The following CFAP210 variants were observed in gnomAD, a reference collection of about 807,000 sequenced individuals.
CFAP210 encodes cilia- and flagella- associated protein 210.
the CFAP210 span, among the ~76,000 whole-genome samples, chr2:169,687,662 C>T: frequency 1.3e-5 from 2 of 152,222 alleles, no homozygotes; most frequent in African/African-American, 4.8e-5. Flanking sequence ...GCTGCTTTCA[C>T]GGACTGGCAT....
At chr2:169,681,914 C>A in the CFAP210 span, among the ~76,000 whole-genome samples, 5 of 152,156 alleles carry the variant, frequency 3.3e-5, no homozygotes, top group African/African-American at 4.8e-5. Context: ...CAAGATAAAC[C>A]AGCCTTGAAT....
chr2:169,661,567 T>C, the CFAP210 span, among the ~76,000 whole-genome samples: 2 of 152,136 alleles, frequency 1.3e-5, no homozygotes, highest in African/African-American at 2.4e-5. Context: ...GCGACAAAAA[T>C]ATTACCATTT....
At chr2:169,687,862 G>A in the CFAP210 span, among the ~76,000 whole-genome samples, 1 of 113,068 alleles carries the variant, frequency 8.8e-6, no homozygotes, top group Non-Finnish European at 2.0e-5. Flanking sequence ...TGAGGGCCCT[G>A]CCTCTGCAGC....
chr2:169,677,533 A>G, the CFAP210 span, among the ~76,000 whole-genome samples: 1 of 152,236 alleles, frequency 6.6e-6, no homozygotes, highest in Non-Finnish European at 1.5e-5. Flanking sequence ...AAAAGAACCA[A>G]AACACTCAAC....
the CFAP210 span, among the ~76,000 whole-genome samples, chr2:169,689,936 G>A: frequency 2.0e-3 from 312 of 152,244 alleles, no homozygotes; most frequent in Middle Eastern, 6.8e-3. Context: ...AATACCACTT[G>A]GTCATGGTAT....
the CFAP210 span, chr2:169,654,141 C>T: frequency 0.036 from 57,838 of 1,602,354 alleles, 1,321 homozygotes; most frequent in East Asian, 0.11. Flanking sequence ...GATGAATTTT[C>T]TCATCTTTTC....
At chr2:169,661,126 C>T in the CFAP210 span, 12 of 562,298 alleles carry the variant, frequency 2.1e-5, no homozygotes, top group South Asian at 4.1e-5. Context: ...TGCTTCTAAC[C>T]GCTGAGACAA....
the CFAP210 span, among the ~76,000 whole-genome samples, chr2:169,686,921 G>A: frequency 2.0e-5 from 3 of 152,142 alleles, no homozygotes; most frequent in Non-Finnish European, 1.5e-5. Flanking sequence ...GAGAAAAAAA[G>A]GTTTAGTTGG....
the CFAP210 span, among the ~76,000 whole-genome samples, chr2:169,675,454 G>C: frequency 6.6e-5 from 10 of 152,166 alleles, no homozygotes; most frequent in African/African-American, 2.2e-4. Flanking sequence ...GAAGGCAAAG[G>C]GGGAGCAGGC....
At chr2:169,692,483 A>AC in the CFAP210 span, among the ~76,000 whole-genome samples, 1 of 141,886 alleles carries the variant, frequency 7.0e-6, no homozygotes, top group African/African-American at 2.8e-5. Flanking sequence ...CACACACACC[A>AC]CACAGAGACA....
chr2:169,687,070 C>T, the CFAP210 span, among the ~76,000 whole-genome samples: 19 of 152,078 alleles, frequency 1.2e-4, no homozygotes, highest in African/African-American at 1.7e-4. Flanking sequence ...TCTCATGAGA[C>T]GTATTCACTA....
the CFAP210 span, among the ~76,000 whole-genome samples, chr2:169,657,568 A>G: frequency 6.6e-6 from 1 of 151,968 alleles, no homozygotes; most frequent in East Asian, 1.9e-4. Context: ...AAGTACAAAA[A>G]TTAGCCGGGT....
chr2:169,675,279 T>TC, the CFAP210 span, among the ~76,000 whole-genome samples: 1 of 152,204 alleles, frequency 6.6e-6, no homozygotes, highest in African/African-American at 2.4e-5. Flanking sequence ...ACTTCTCCTT[T>TC]TGTATTAATC....
chr2:169,666,895 C>A, the CFAP210 span, among the ~76,000 whole-genome samples: 267 of 152,272 alleles, frequency 1.8e-3, 1 homozygote, highest in Non-Finnish European at 9.8e-4. Flanking sequence ...ACTTTCTTTG[C>A]TCATCCGTAA....
the CFAP210 span, among the ~76,000 whole-genome samples, chr2:169,689,396 G>A: frequency 6.6e-6 from 1 of 152,050 alleles, no homozygotes; most frequent in Non-Finnish European, 1.5e-5. Flanking sequence ...ATTGTAAATG[G>A]AATTGTTTTC....
chr2:169,688,151 A>G, the CFAP210 span, among the ~76,000 whole-genome samples: 2 of 152,058 alleles, frequency 1.3e-5, no homozygotes, highest in African/African-American at 4.8e-5. Flanking sequence ...TTCCTCCTGG[A>G]TCTCTGGGCC....
chr2:169,652,957 G>A, the CFAP210 span, among the ~76,000 whole-genome samples: 10 of 113,800 alleles, frequency 8.8e-5, no homozygotes, highest in East Asian at 5.8e-4. Flanking sequence ...CCGAGATCGC[G>A]CCACTGCACT....
At chr2:169,690,607 G>A in the CFAP210 span, among the ~76,000 whole-genome samples, 1 of 149,930 alleles carries the variant, frequency 6.7e-6, no homozygotes, top group African/African-American at 2.5e-5. Flanking sequence ...AGGTTGCAGT[G>A]AGCCGAGATC....
At chr2:169,667,142 CTTTTTTT>C in the CFAP210 span, among the ~76,000 whole-genome samples, 21 of 58,092 alleles carry the variant, frequency 3.6e-4, no homozygotes, top group East Asian at 4.3e-3. Flanking sequence ...TTTCTTTTTT[CTTTTTTT>C]TTTTTTTTGA....
Sources: allele counts gnomAD v4.1 joint callset (sites outside exome capture counted in the v4.1 genomes callset), GRCh38; gene constraint gnomAD v4.1.1; transcripts MANE v1.5; gene names NCBI Gene and HGNC (gene_info 2026-07-23, HGNC 2026-07-21).